STPG2: variants seen among roughly 807,000 people sequenced by gnomAD.
The protein encoded by STPG2 is sperm-tail PG-rich repeat-containing protein 2.
In STPG2, 56 loss-of-function variants were observed where a neutral mutation model predicts 54.2. The ratio of observed to expected loss-of-function variants is 1.03; its 90% confidence interval spans 0.83 to 1.29. STPG2 has a LOEUF of 1.29. Ranked by LOEUF, STPG2 falls within the 50% of genes most tolerant of loss-of-function variation. The probability of loss-of-function intolerance (pLI) is 0.00; values close to 1 mark genes in which losing one functional copy is unlikely to be tolerated. For synonymous variants in STPG2, 200 were observed against 181.8 expected (o/e 1.10, Z -0.81); for missense variants, 596 against 544.9 (o/e 1.09, Z -0.93).
At chr4:97,777,912 AG>A (rs1726433231) in intron 9 of STPG2, among the ~76,000 whole-genome samples, 1 of 152,166 alleles carries the variant, frequency 6.6e-6, no homozygotes, top group African/African-American at 2.4e-5. Context: ...TTCTGCTTTT[AG>A]AATCTATCAA....
chr4:97,739,435 T>G (rs565824224), intron 9 of STPG2, among the ~76,000 whole-genome samples: 1 of 152,198 alleles, frequency 6.6e-6, no homozygotes, highest in Admixed American at 6.5e-5. Context: ...GCTGGTTTTT[T>G]GAAAGGATCA....
chr4:97,685,143 C>T (rs1246652665), intron 10 of STPG2, among the ~76,000 whole-genome samples: 1 of 152,032 alleles, frequency 6.6e-6, no homozygotes, highest in Non-Finnish European at 1.5e-5. Context: ...GGTACAGCCA[C>T]TTTAGAAGAC....
intron 4 of STPG2, among the ~76,000 whole-genome samples, chr4:97,537,185 C>T (rs566813697): frequency 3.3e-5 from 5 of 152,180 alleles, no homozygotes; most frequent in African/African-American, 1.2e-4. Context: ...TGGGACCTGT[C>T]GGACAGTGGG....
intron 8 of STPG2, among the ~76,000 whole-genome samples, chr4:97,895,359 T>G (rs114325235): frequency 0.017 from 2,552 of 151,982 alleles, 72 homozygotes; most frequent in African/African-American, 0.058. Flanking sequence ...TCAAGAGATA[T>G]AGTCTAATTT....
At chr4:97,668,920 T>C (rs918838746) in intron 10 of STPG2, among the ~76,000 whole-genome samples, 37 of 152,046 alleles carry the variant, frequency 2.4e-4, no homozygotes, top group Admixed American at 1.5e-3. Context: ...AATAAAGGTA[T>C]AGCACTTGAG....
chr4:97,572,665 T>C (rs1344585153), intron 10 of STPG2: 6 of 152,148 alleles, frequency 3.9e-5, no homozygotes, highest in Admixed American at 3.3e-4. Flanking sequence ...TTCAAGGATG[T>C]CGGAAATAAC....
chr4:98,045,749 T>A (rs559077867), intron 5 of STPG2, among the ~76,000 whole-genome samples: 1 of 152,160 alleles, frequency 6.6e-6, no homozygotes, highest in Non-Finnish European at 1.5e-5. Flanking sequence ...CTGATTGTCT[T>A]ATGGCGCTCC....
chr4:97,558,181 CAATA>C (rs1732126011), downstream of STPG2, among the ~76,000 whole-genome samples: 2 of 152,072 alleles, frequency 1.3e-5, no homozygotes, highest in Admixed American at 1.3e-4. Context: ...CAGGTTTTTT[CAATA>C]AATATTTAAT....
rs1014630357 is a variant in STPG2 at position 97,840,811 on chromosome 4, G to A, written c.1166C>T (p.Ala389Val). The A allele has an allele frequency of 6.8e-6, 11 of 1,611,612 alleles. No homozygotes were observed. Among genetic ancestry groups the A allele is most frequent in the African/African-American group, 1.3e-5 (1 of 74,702 alleles). ...CACTTTTTCTAGGCACCGAGGAGTTGCACTAAGAAAAGAGGCATGTTTTCT... is the reference window on the plus strand; with the variant it reads ...CACTTTTTCTAGGCACCGAGGAGTTACACTAAGAAAAGAGGCATGTTTTCT... ...AKRKHASFLSATPRCLEKVTD... is the reference protein window; with the variant it reads ...AKRKHASFLSVTPRCLEKVTD... The change falls in exon 9 of 11, where the codon GCA becomes GTA. Residue 389 changes from alanine to valine, a missense_variant. Coordinates refer to ENST00000295268, the MANE Select transcript of STPG2 (RefSeq NM_174952.3).
intron 5 of STPG2, among the ~76,000 whole-genome samples, chr4:98,033,969 T>C (rs969540688): frequency 2.0e-5 from 3 of 152,272 alleles, no homozygotes; most frequent in East Asian, 3.9e-4. Context: ...ATAAGAGCTA[T>C]TTATGACAAA....
chr4:97,882,289 G>GT (rs1671839637), intron 8 of STPG2, among the ~76,000 whole-genome samples: 1 of 152,170 alleles, frequency 6.6e-6, no homozygotes, highest in African/African-American at 2.4e-5. Flanking sequence ...TTCTTACTGT[G>GT]TAGACCTTGG....
chr4:97,855,332 C>T (rs1310600982), intron 8 of STPG2, among the ~76,000 whole-genome samples: 1 of 152,000 alleles, frequency 6.6e-6, no homozygotes, highest in Non-Finnish European at 1.5e-5. Context: ...GAAGAATCGC[C>T]GCAGTCTTCC....
At chr4:97,659,477 T>A (rs1471282934) in intron 10 of STPG2, among the ~76,000 whole-genome samples, 1 of 152,256 alleles carries the variant, frequency 6.6e-6, no homozygotes, top group East Asian at 1.9e-4. Context: ...AGTAGTCTTT[T>A]ATAAGATGAC....
At chr4:97,911,225 G>C (rs1415851741) in intron 8 of STPG2, among the ~76,000 whole-genome samples, 4 of 152,204 alleles carry the variant, frequency 2.6e-5, no homozygotes, top group South Asian at 2.1e-4. Context: ...GTCAGCGGCT[G>C]ATCTGGCACA....
chr4:98,083,576 T>C (rs1738415466), intron 5 of STPG2, among the ~76,000 whole-genome samples: 1 of 152,214 alleles, frequency 6.6e-6, no homozygotes, highest in Non-Finnish European at 1.5e-5. Flanking sequence ...ATCAATTCGT[T>C]CTTCAAATAT....
chr4:98,007,027 C>T (rs180955944), intron 5 of STPG2, among the ~76,000 whole-genome samples: 1 of 152,254 alleles, frequency 6.6e-6, no homozygotes, highest in Admixed American at 6.5e-5. Flanking sequence ...CTGGGGAACT[C>T]GAGTATGGAT....
chr4:98,130,939 ACAAAAAAAAAAC>A (rs1236679467), intron 2 of STPG2, among the ~76,000 whole-genome samples: 58 of 126,268 alleles, frequency 4.6e-4, no homozygotes, highest in African/African-American at 5.6e-4. Context: ...AAAAAAAAAA[ACAAAAAAAAAAC>A]GACTTTCCAA....
chr4:97,840,243 G>A (rs1050794952), intron 9 of STPG2, among the ~76,000 whole-genome samples: 3 of 151,294 alleles, frequency 2.0e-5, no homozygotes, highest in Non-Finnish European at 4.4e-5. Context: ...TTCCAAATCA[G>A]GGTAAAGTGC....
At chr4:97,977,186 T>C (rs1221134978) in intron 6 of STPG2, among the ~76,000 whole-genome samples, 2 of 152,188 alleles carry the variant, frequency 1.3e-5, no homozygotes, top group Non-Finnish European at 2.9e-5. Context: ...TCCCTTTTAC[T>C]TCTCTGACAC....
Sources: gnomAD v4.1 joint callset for allele counts (sites outside exome capture counted in the v4.1 genomes callset) on GRCh38, gnomAD v4.1.1 for gene constraint, MANE v1.5 for transcripts, NCBI Gene and HGNC (gene_info 2026-07-23, HGNC 2026-07-21) for gene names.